CDH6: variants seen among roughly 807,000 people sequenced by gnomAD.
The protein encoded by CDH6 is cadherin-6.
In CDH6, 31 loss-of-function variants were observed where a neutral mutation model predicts 78.0. The ratio of observed to expected loss-of-function variants is 0.40; its 90% CI spans 0.30 to 0.54. The LOEUF (loss-of-function observed/expected upper bound fraction) is 0.54. Ranked by LOEUF, CDH6 falls within the 20% of genes least tolerant of loss-of-function variation. The pLI is 0.56. For synonymous variants in CDH6, 376 were observed against 368.8 expected (o/e 1.02, Z -0.23); for missense variants, 724 against 975.9 (o/e 0.74, Z 3.44).
chr5:31,255,810 T>A (rs1367231035), intron 1 of CDH6, among the ~76,000 whole-genome samples: 2 of 152,274 alleles, frequency 1.3e-5, no homozygotes, highest in Non-Finnish European at 2.9e-5. Context: ...GAGAAGCATC[T>A]GATTTGCATT....
chr5:31,302,886 G>GGAAGGAAGGAAA (rs1339286077), intron 6 of CDH6, among the ~76,000 whole-genome samples: 1 of 64,322 alleles, frequency 1.6e-5, no homozygotes, highest in Admixed American at 1.7e-4. Flanking sequence ...AAGGAAGGAA[G>GGAAGGAAGGAAA]GAAAGAAAGA....
At chr5:31,267,285 T>C (rs1742388846) in intron 1 of CDH6, 61 bp from the exon 2 acceptor site, 3 of 532,378 alleles carry the variant, frequency 5.6e-6, no homozygotes, top group Non-Finnish European at 1.0e-5. Flanking sequence ...CCAGCCTATT[T>C]GCTCTAACAC....
rs778703601 is a variant in CDH6, at chr5:31,322,975, T to C, written c.2040T>C (p.Pro680=). Residue 680 remains proline, a synonymous_variant, in exon 12 of 12, where the codon CCT becomes CCC. Transcript: ENST00000265071. Reference sequence around the variant, plus strand: ...TTGATATCGGCACCCTGAGGAATCCTGAAGCCATAGAGGACAACAAATTAC... The same window carrying C: ...TTGATATCGGCACCCTGAGGAATCCCGAAGCCATAGAGGACAACAAATTAC... ...QAFDIGTLRN[P]EAIEDNKLRR... is the part of the protein sequence containing the mutation. 8 of 1,614,042 alleles carry C rather than the reference T, an allele frequency of 5.0e-6. No individual in the cohort carries two copies. The highest frequency in any genetic ancestry group is 6.8e-6 in the Non-Finnish European group (8 of 1,180,028).
chr5:31,213,432 T>C (rs1246792163), intron 1 of CDH6, among the ~76,000 whole-genome samples: 1 of 152,006 alleles, frequency 6.6e-6, no homozygotes, highest in Non-Finnish European at 1.5e-5. Context: ...GGGTGCTCCT[T>C]AGCTGTTGGG....
At position 31,327,795 on chromosome 5, in the gene CDH6, C is replaced by T. The variant is rs1018303052; in HGVS notation, c.*4487C>T. 1 of 211,090 alleles carries T rather than the reference C, an allele frequency of 4.7e-6. No individual in the cohort carries two copies. Among genetic ancestry groups the T allele is most frequent in the Non-Finnish European group, 9.6e-6 (1 of 104,190 alleles). The allele number at this position is 211,090 out of a possible 1,614,324, so 13.1% of individuals were successfully genotyped here. A position where few individuals can be genotyped will look rare whatever the true frequency, so the allele number is the denominator to read the frequency against. On this transcript the variant is annotated 3_prime_UTR_variant, in exon 12 of 12. Coordinates refer to ENST00000265071, the MANE Select transcript of CDH6 (RefSeq NM_004932.4). The stretch of plus-strand genomic sequence containing the variant: ...ATTCTCTACTAAAAATATCAGACCC[C>T]GACCATATTTAATGTGGAGAGCAAT...
intron 1 of CDH6, among the ~76,000 whole-genome samples, chr5:31,236,173 C>T (rs1741450158): frequency 6.6e-6 from 1 of 152,148 alleles, no homozygotes; most frequent in African/African-American, 2.4e-5. Context: ...AAATGATTTA[C>T]ATTTTCTATA....
intron 1 of CDH6, among the ~76,000 whole-genome samples, chr5:31,199,489 TAC>T (rs1475134360): frequency 5.6e-4 from 67 of 120,704 alleles, no homozygotes; most frequent in South Asian, 8.6e-4. Flanking sequence ...TGTATATATG[TAC>T]ACACACATAT....
chr5:31,322,601 A>C (rs1738500184), intron 11 of CDH6, among the ~76,000 whole-genome samples: 1 of 152,206 alleles, frequency 6.6e-6, no homozygotes, highest in Non-Finnish European at 1.5e-5. Context: ...TTTATCCTCT[A>C]CTTAAATTAT....
At chr5:31,253,335 A>C (rs1412695616) in intron 1 of CDH6, among the ~76,000 whole-genome samples, 1 of 152,198 alleles carries the variant, frequency 6.6e-6, no homozygotes, top group Non-Finnish European at 1.5e-5. Flanking sequence ...TGGTTTTACA[A>C]GGGGCTTTTC....
intron 2 of CDH6, among the ~76,000 whole-genome samples, chr5:31,288,459 CT>C (rs1743068043): frequency 1.3e-5 from 2 of 152,180 alleles, no homozygotes; most frequent in Admixed American, 1.3e-4. Flanking sequence ...CAATTTCTTC[CT>C]GATATAAACT....
chr5:31,275,523 AG>A (rs1349343292), intron 2 of CDH6, among the ~76,000 whole-genome samples: 1 of 152,202 alleles, frequency 6.6e-6, no homozygotes, highest in Non-Finnish European at 1.5e-5. Context: ...GTTGTTACAA[AG>A]GACATGATTT....
intron 1 of CDH6, among the ~76,000 whole-genome samples, chr5:31,208,797 T>G (rs1258469982): frequency 6.6e-6 from 1 of 152,240 alleles, no homozygotes. Context: ...AAATGTTTCT[T>G]GAGTTTCTAC....
intron 1 of CDH6, among the ~76,000 whole-genome samples, chr5:31,205,560 C>G (rs1264884538): frequency 1.3e-5 from 2 of 152,196 alleles, no homozygotes; most frequent in Non-Finnish European, 2.9e-5. Flanking sequence ...TGTTTGGAAA[C>G]AGAATGTACC....
At chr5:31,310,371 T>A (rs2149956235) in intron 7 of CDH6, among the ~76,000 whole-genome samples, 1 of 152,336 alleles carries the variant, frequency 6.6e-6, no homozygotes, top group Non-Finnish European at 1.5e-5. Context: ...TTCCTGTGGC[T>A]CTGAAAGATA....
chr5:31,276,362 G>A (rs964791788), intron 2 of CDH6, among the ~76,000 whole-genome samples: 12 of 152,068 alleles, frequency 7.9e-5, no homozygotes, highest in African/African-American at 2.7e-4. Context: ...CCCAGGGAAA[G>A]CATTTATAAT....
At chr5:31,302,688 AG>A (rs1437166097) in intron 6 of CDH6, among the ~76,000 whole-genome samples, 2 of 128,820 alleles carry the variant, frequency 1.6e-5, no homozygotes, top group African/African-American at 5.6e-5. Context: ...ACTCCAGCCT[AG>A]GTGACAGAGT....
At position 31,326,382 on chromosome 5, in the gene CDH6, CACTT is replaced by C. The variant is rs1738625544; in HGVS notation, c.*3079_*3082del. ...GTTTAAAGCCCCTTCACTTCCTGGC[CACTT>C]ACTTCTGAAAGGCCTAAAAAACATT... is the stretch of plus-strand genomic sequence containing the variant. On this transcript the variant is annotated 3_prime_UTR_variant, in exon 12 of 12. Transcript: ENST00000265071. 9.5e-6 allele frequency: 2 copies of C among 210,996 alleles called. No homozygotes were observed. The highest frequency in any genetic ancestry group is 1.9e-5 in the Non-Finnish European group (2 of 104,182). The allele number at this position is 210,996 out of a possible 1,614,324, so 13.1% of individuals were successfully genotyped here.
intron 1 of CDH6, among the ~76,000 whole-genome samples, chr5:31,237,003 T>A (rs996765133): frequency 3.9e-5 from 6 of 152,200 alleles, no homozygotes; most frequent in Non-Finnish European, 8.8e-5. Flanking sequence ...TAAGAATACA[T>A]TGCCACTTAG....
chr5:31,283,963 C>T (rs1486836801), intron 2 of CDH6, among the ~76,000 whole-genome samples: 1 of 152,026 alleles, frequency 6.6e-6, no homozygotes, highest in Non-Finnish European at 1.5e-5. Flanking sequence ...TACAGGCAGG[C>T]ACCACCACGC....
Sources: gnomAD v4.1 joint callset for allele counts (sites outside exome capture counted in the v4.1 genomes callset) on GRCh38, gnomAD v4.1.1 for gene constraint, MANE v1.5 for transcripts, NCBI Gene and HGNC (gene_info 2026-07-23, HGNC 2026-07-21) for gene names.